The following TRAF3IP3 variants were observed in gnomAD, a reference collection of about 807,000 sequenced individuals.
TRAF3IP3 encodes TRAF3 interacting protein 3, also known as TRAF3-interacting JNK-activating modulator.
In TRAF3IP3, 64 loss-of-function variants were observed where a neutral mutation model predicts 86.5. The observed-to-expected ratio is 0.74, with a 90% CI of 0.60 to 0.91. The LOEUF (loss-of-function observed/expected upper bound fraction) is 0.91. Ranked by LOEUF, TRAF3IP3 falls within the 40% of genes least tolerant of loss-of-function variation. TRAF3IP3 has a pLI of 0.00. For missense variants in TRAF3IP3, 579 were observed against 642.9 expected, an observed-to-expected ratio of 0.90 and a Z score of 1.07; for synonymous variants, 220 against 243.9, an observed-to-expected ratio of 0.90 and a Z score of 0.91.
chr1:209,768,716 G>A lies in TRAF3IP3; in HGVS notation c.703-4232G>A, dbSNP rs977557954. On this transcript the variant is annotated intron_variant, in intron 8 of 16. Coordinates refer to ENST00000367025, the MANE Select transcript of TRAF3IP3 (RefSeq NM_025228.4). Reference sequence around the variant, plus strand: ...TCACTGGGGTTTATATGCCCTCTGAGCCCTCGGCTCCCGGGGTCTAACTGC... The same window carrying A: ...TCACTGGGGTTTATATGCCCTCTGAACCCTCGGCTCCCGGGGTCTAACTGC... The A allele has an allele frequency of 2.0e-5, 20 of 985,014 alleles. No individual in the cohort carries two copies. In the Admixed American group the frequency reaches 7.4e-4, roughly 36 times the overall value. The allele number at this position is 985,014 out of a possible 1,614,324, so 61.0% of individuals were successfully genotyped here.
In TRAF3IP3 at chr1:209,782,076, C is replaced by T. The variant is rs1558034776; in HGVS notation, c.1584C>T (p.Leu528=). ...TACAGAGGCAATGTGGGCGATGGCT[C>T]CCAGTGCTGATGGTGGTGATTGCTG... ...LPPRRQCGRW[L]PVLMVVIAAA... Residue 528 remains leucine, a synonymous_variant, in exon 17 of 17, where the codon CTC becomes CTT. Transcript: ENST00000367025. 5 of 1,613,948 alleles carry T rather than the reference C, an allele frequency of 3.1e-6. No individual in the cohort carries two copies. The African/African-American group carries it at 5.3e-5, about 17-fold the overall frequency.
chr1:209,768,699 G>A (rs1332844167), intron 8 of TRAF3IP3: 2 of 985,546 alleles, frequency 2.0e-6, no homozygotes, highest in Non-Finnish European at 2.4e-6. Flanking sequence ...CTTCACTGGG[G>A]TTTATATGCC....
At chr1:209,762,335 T>C (rs2077260651) in intron 3 of TRAF3IP3, among the ~76,000 whole-genome samples, 180 bp from the exon 4 acceptor site, 1 of 152,180 alleles carries the variant, frequency 6.6e-6, no homozygotes, top group South Asian at 2.1e-4. Context: ...TCTCAAAGTC[T>C]CCACCTCCTA....
At chr1:209,764,389 A>T (rs2077300794) in intron 8 of TRAF3IP3, among the ~76,000 whole-genome samples, 1 of 152,200 alleles carries the variant, frequency 6.6e-6, no homozygotes, top group African/African-American at 2.4e-5. Context: ...TACTTATATA[A>T]GCATTTGCCA....
chr1:209,762,935 T>A, intron 5 of TRAF3IP3, 65 bp downstream of exon 5: 2 of 1,609,312 alleles, frequency 1.2e-6, no homozygotes, highest in Non-Finnish European at 1.7e-6. Context: ...CACAATGAAT[T>A]TCCATGTCCG....
chr1:209,768,406 C>A, intron 8 of TRAF3IP3: 6 of 985,494 alleles, frequency 6.1e-6, no homozygotes, highest in Non-Finnish European at 7.2e-6. Context: ...GCAGAGAAAG[C>A]AAGCTTTCAA....
At chr1:209,769,209 A>G (rs2077416299) in intron 8 of TRAF3IP3, among the ~76,000 whole-genome samples, 1 of 149,030 alleles carries the variant, frequency 6.7e-6, no homozygotes, top group Admixed American at 6.6e-5. Context: ...TGCATTCTGC[A>G]TAGAAAGAGT....
intron 8 of TRAF3IP3, 30 bp from the exon 9 acceptor site, chr1:209,772,918 A>G: frequency 5.6e-6 from 9 of 1,606,802 alleles, no homozygotes; most frequent in Non-Finnish European, 6.8e-6. Context: ...ATTTTGCCCC[A>G]AGCTCATTAA....
At chr1:209,767,963 C>T (rs1302858671) in intron 8 of TRAF3IP3, among the ~76,000 whole-genome samples, 1 of 152,078 alleles carries the variant, frequency 6.6e-6, no homozygotes, top group African/African-American at 2.4e-5. Context: ...CAATCCTCAC[C>T]CTTCTCTTCT....
At chr1:209,764,452 A>C (rs1168868838) in intron 8 of TRAF3IP3, among the ~76,000 whole-genome samples, 1 of 152,218 alleles carries the variant, frequency 6.6e-6, no homozygotes, top group Non-Finnish European at 1.5e-5. Flanking sequence ...GCAAAGGTCT[A>C]AAGGCAAGGC....
chr1:209,756,367 G>A (rs1464092679), intron 1 of TRAF3IP3, 58 bp downstream of exon 1: 2 of 152,246 alleles, frequency 1.3e-5, no homozygotes, highest in Non-Finnish European at 2.9e-5. Flanking sequence ...CTTCGGGGTA[G>A]GGCAGAAGAT....
chr1:209,770,975 T>G (rs1421926924), intron 8 of TRAF3IP3, among the ~76,000 whole-genome samples: 198 of 110,886 alleles, frequency 1.8e-3, no homozygotes, highest in Admixed American at 2.7e-3. Flanking sequence ...TGCGTGTGCA[T>G]GTGGAGGTGT....
At chr1:209,781,287 G>A (rs1571971091) in intron 15 of TRAF3IP3, 58 bp from the exon 16 acceptor site, 1 of 1,233,668 alleles carries the variant, frequency 8.1e-7, no homozygotes, top group East Asian at 2.4e-5. Context: ...AGTCTCCCCT[G>A]CCTGGGCTCT....
At chr1:209,777,294 C>T in intron 11 of TRAF3IP3, 58 bp from the exon 12 acceptor site, 2 of 1,494,536 alleles carry the variant, frequency 1.3e-6, no homozygotes, top group Admixed American at 1.9e-5. Flanking sequence ...GTACCCGCCC[C>T]CCAACCTCCA....
intron 8 of TRAF3IP3, among the ~76,000 whole-genome samples, chr1:209,764,512 C>T (rs1230864920): frequency 6.6e-6 from 1 of 152,048 alleles, no homozygotes; most frequent in Non-Finnish European, 1.5e-5. Context: ...GAGCCCGAGG[C>T]GGGTGGATCA....
chr1:209,771,651 G>GTGTGCA (rs2077532130), intron 8 of TRAF3IP3, among the ~76,000 whole-genome samples: 1 of 149,726 alleles, frequency 6.7e-6, no homozygotes, highest in African/African-American at 2.5e-5. Context: ...GCATGTGAAG[G>GTGTGCA]TGTGCATGTG....
chr1:209,766,446 A>G (rs891745455), intron 8 of TRAF3IP3, among the ~76,000 whole-genome samples: 3 of 152,258 alleles, frequency 2.0e-5, no homozygotes, highest in Non-Finnish European at 2.9e-5. Flanking sequence ...AGACAGAGAC[A>G]TGTAATAAAT....
chr1:209,779,854 A>G, intron 14 of TRAF3IP3: 1 of 243,258 alleles, frequency 4.1e-6, no homozygotes, highest in Non-Finnish European at 8.0e-6. Context: ...TTTTCTCTTC[A>G]CAATCATTGG....
chr1:209,764,903 G>A (rs574317273), intron 8 of TRAF3IP3, among the ~76,000 whole-genome samples: 11 of 152,034 alleles, frequency 7.2e-5, no homozygotes, highest in South Asian at 4.1e-4. Flanking sequence ...GCCAGGTGCC[G>A]TGCATCATGT....
Sources: allele counts gnomAD v4.1 joint callset (sites outside exome capture counted in the v4.1 genomes callset), GRCh38; gene constraint gnomAD v4.1.1; transcripts MANE v1.5; gene names NCBI Gene and HGNC (gene_info 2026-07-23, HGNC 2026-07-21).